Variants in DIP2C observed in about 807,000 individuals in gnomAD.
DIP2C encodes DIP2 acetate--CoA ligase C (putative).
In DIP2C, 33 loss-of-function variants were observed where a neutral mutation model predicts 192.4. The observed-to-expected ratio is 0.17, with a 90% CI of 0.13 to 0.23. The LOEUF (loss-of-function observed/expected upper bound fraction) is 0.23. Among genes scored for constraint, DIP2C ranks in the 10% least tolerant of loss-of-function variants. The pLI is 1.00. For synonymous variants in DIP2C, 979 were observed against 864.1 expected (o/e 1.13, Z -2.33); for missense variants, 1,537 against 2,110.1 (o/e 0.73, Z 5.32).
chr10:685,233 C>T (rs1036932581), intron 1 of DIP2C, among the ~76,000 whole-genome samples: 3 of 146,742 alleles, frequency 2.0e-5, no homozygotes, highest in Admixed American at 6.8e-5. Context: ...GGTCCCTCAA[C>T]CAACACAGGA....
chr10:618,696 G>A (rs762598524), intron 1 of DIP2C, among the ~76,000 whole-genome samples: 6 of 152,194 alleles, frequency 3.9e-5, no homozygotes, highest in Admixed American at 6.5e-5. Flanking sequence ...TGAAACCGTG[G>A]AATAATTATT....
chr10:670,952 C>T (rs557338013), intron 1 of DIP2C, among the ~76,000 whole-genome samples: 4 of 152,328 alleles, frequency 2.6e-5, no homozygotes, highest in African/African-American at 4.8e-5. Context: ...AACCAGGTCT[C>T]ATTTCAAAAC....
At chr10:601,364 C>CA (rs11371440) in intron 1 of DIP2C, among the ~76,000 whole-genome samples, 124,388 of 152,146 alleles carry the variant, frequency 0.82, 52,648 homozygotes, top group South Asian at 0.93. Context: ...TTTAGATGTC[C>CA]AAATGCATAT....
At chr10:323,924 A>G (rs1239483463) in intron 31 of DIP2C, among the ~76,000 whole-genome samples, 2 of 151,984 alleles carry the variant, frequency 1.3e-5, no homozygotes. Flanking sequence ...GCTTGTTTCT[A>G]TCACCATCAG....
rs375439992 is a variant in DIP2C, at chr10:422,903, G to A, written c.525C>T (p.Thr175=). Residue 175 remains threonine, a synonymous_variant, in exon 5 of 37, where the codon ACC becomes ACT. Transcript: ENST00000280886. ...CGCTCTGCGTAGAGGACGAGGAGGT[G>A]GTGGACGTGGTGGAGCCGTGGATGG... ...SQAIHGSTTS[T]TSSSSTQSGG... is the part of the protein sequence containing the mutation. The A allele has an allele frequency of 1.4e-5, 22 of 1,613,852 alleles. No homozygotes were observed. The highest frequency in any genetic ancestry group is 1.9e-5 in the Non-Finnish European group (22 of 1,180,050).
Position 296,589 on chromosome 10 carries a change from G to A in DIP2C, c.3987-8168C>T, listed in dbSNP as rs532307945. Among the ~76,000 whole-genome samples the A allele has an allele frequency of 7.2e-5, 11 of 152,118 alleles. No individual in the cohort carries two copies. In the East Asian group the frequency reaches 1.4e-3, roughly 19 times the overall value. ...TGCTGCTATAAAGACACATCCACAC[G>A]TATGTTCATTGCGGCACTATTCACA... On this transcript the variant is annotated intron_variant, in intron 32 of 36. Coordinates refer to ENST00000280886, the MANE Select transcript of DIP2C (RefSeq NM_014974.3).
chr10:545,251 C>T lies in DIP2C; in HGVS notation c.86-58721G>A, dbSNP rs577700474. Among the ~76,000 whole-genome samples, 10 of 148,286 alleles carry T rather than the reference C, an allele frequency of 6.7e-5. 1 individual carries two copies. In the South Asian group the frequency reaches 1.9e-3, roughly 28 times the overall value. ...GCATGACCTCAGCTCACTGCAACCT[C>T]CGCCTCCCAGGTTCAAGCAATTCTC... On this transcript the variant is annotated intron_variant, in intron 1 of 36. Transcript: ENST00000280886.
At chr10:601,008 T>C (rs1852038529) in intron 1 of DIP2C, among the ~76,000 whole-genome samples, 2 of 152,196 alleles carry the variant, frequency 1.3e-5, no homozygotes, top group African/African-American at 4.8e-5. Context: ...CATGGCACGT[T>C]ACATGTTCAC....
chr10:325,650 T>G (rs1957240359), intron 31 of DIP2C, among the ~76,000 whole-genome samples: 1 of 152,140 alleles, frequency 6.6e-6, no homozygotes, highest in Non-Finnish European at 1.5e-5. Context: ...CGATAAACAT[T>G]TATGAGGAAC....
At chr10:411,762 G>C (rs183645043) in intron 8 of DIP2C, among the ~76,000 whole-genome samples, 1 of 152,044 alleles carries the variant, frequency 6.6e-6, no homozygotes, top group African/African-American at 2.4e-5. Flanking sequence ...ATTCTCATTC[G>C]ACGAGCTTGT....
At chr10:424,016 C>T (rs1048320943) in intron 4 of DIP2C, among the ~76,000 whole-genome samples, 1 of 152,082 alleles carries the variant, frequency 6.6e-6, no homozygotes, top group Non-Finnish European at 1.5e-5. Flanking sequence ...GAATATTTTT[C>T]ATTTAATAAC....
At chr10:420,908 G>A (rs534836667) in intron 5 of DIP2C, among the ~76,000 whole-genome samples, 1 of 152,298 alleles carries the variant, frequency 6.6e-6, no homozygotes, top group South Asian at 2.1e-4. Context: ...TCAGCCATCT[G>A]TTGTGCTTGG....
chr10:506,659 CA>C (rs377608845), intron 1 of DIP2C, among the ~76,000 whole-genome samples: 47 of 152,350 alleles, frequency 3.1e-4, no homozygotes, highest in African/African-American at 1.1e-3. Flanking sequence ...GGCACTCCTG[CA>C]GTCTGCAGCT....
At chr10:582,453 C>T (rs531829576) in intron 1 of DIP2C, among the ~76,000 whole-genome samples, 2 of 152,322 alleles carry the variant, frequency 1.3e-5, no homozygotes, top group East Asian at 3.9e-4. Context: ...CATGCTGGTG[C>T]GCGCCTGAGG....
At chr10:447,236 A>C (rs1377460564) in intron 3 of DIP2C, among the ~76,000 whole-genome samples, 2 of 147,848 alleles carry the variant, frequency 1.4e-5, no homozygotes, top group East Asian at 2.0e-4. Context: ...TATACTCAGG[A>C]TCACACACAG....
intron 1 of DIP2C, among the ~76,000 whole-genome samples, chr10:578,624 C>T (rs1014107692): frequency 3.1e-4 from 47 of 152,304 alleles, no homozygotes; most frequent in East Asian, 9.6e-4. Context: ...CTATACTCTC[C>T]GGTGCTAACG....
chr10:500,774 G>A (rs1008990457), intron 1 of DIP2C, among the ~76,000 whole-genome samples: 2 of 152,210 alleles, frequency 1.3e-5, no homozygotes, highest in African/African-American at 4.8e-5. Flanking sequence ...GGTAAGCAAT[G>A]GATAACAAAA....
intron 1 of DIP2C, among the ~76,000 whole-genome samples, chr10:657,250 ATG>A (rs1856411654): frequency 2.2e-4 from 7 of 31,636 alleles, no homozygotes; most frequent in Admixed American, 4.5e-4. Flanking sequence ...GCTGGACCTG[ATG>A]CTGGACCTGT....
chr10:298,772 T>C (rs1185642702), intron 32 of DIP2C, among the ~76,000 whole-genome samples: 1 of 152,200 alleles, frequency 6.6e-6, no homozygotes, highest in Non-Finnish European at 1.5e-5. Flanking sequence ...TCTTCTGGGC[T>C]TTGCTTCCAG....
Sources: gnomAD v4.1 joint callset for allele counts (sites outside exome capture counted in the v4.1 genomes callset) on GRCh38, gnomAD v4.1.1 for gene constraint, MANE v1.5 for transcripts, NCBI Gene and HGNC (gene_info 2026-07-23, HGNC 2026-07-21) for gene names.